The following GXYLT2 variants were observed in gnomAD, a reference collection of about 807,000 sequenced individuals.
GXYLT2 encodes the protein glucoside xylosyltransferase 2.
GXYLT2 carries 53 observed loss-of-function variants against 45.8 expected under a neutral mutation model. That is an observed-to-expected ratio of 1.16 (90% CI 0.93 to 1.46). The LOEUF is 1.46. Ranked by LOEUF, GXYLT2 falls within the 40% of genes most tolerant of loss-of-function variation. The pLI is 0.00. For missense variants in GXYLT2, 551 were observed against 544.4 expected, an observed-to-expected ratio of 1.01 and a Z score of -0.12; for synonymous variants, 219 against 214.2, an observed-to-expected ratio of 1.02 and a Z score of -0.19.
intron 5 of GXYLT2, among the ~76,000 whole-genome samples, chr3:72,964,538 G>C (rs906307530): frequency 6.6e-6 from 1 of 151,748 alleles, no homozygotes; most frequent in Non-Finnish European, 1.5e-5. Flanking sequence ...GGCCAGGCTG[G>C]TCTCGAACTC....
intron 5 of GXYLT2, among the ~76,000 whole-genome samples, chr3:72,964,705 G>A (rs1187235350): frequency 5.3e-5 from 8 of 152,112 alleles, no homozygotes; most frequent in African/African-American, 1.9e-4. Context: ...ATGAAAGCAG[G>A]GACTGGATTT....
chr3:72,945,583 A>C (rs1311604312), intron 3 of GXYLT2, among the ~76,000 whole-genome samples: 2 of 152,184 alleles, frequency 1.3e-5, no homozygotes, highest in Admixed American at 1.3e-4. Flanking sequence ...GAGAAAATGG[A>C]AGGAAGGAAG....
intron 3 of GXYLT2, among the ~76,000 whole-genome samples, chr3:72,947,758 A>G (rs1710438231): frequency 6.6e-6 from 1 of 152,130 alleles, no homozygotes; most frequent in Non-Finnish European, 1.5e-5. Flanking sequence ...CCAAGGTCAC[A>G]CCATTGCACT....
chr3:72,900,798 G>A (rs1312547359), intron 1 of GXYLT2, among the ~76,000 whole-genome samples: 2 of 148,994 alleles, frequency 1.3e-5, no homozygotes, highest in Admixed American at 6.8e-5. Context: ...TAAATGTTAA[G>A]TGCATTAATG....
At chr3:72,900,737 C>G (rs1324994038) in intron 1 of GXYLT2, among the ~76,000 whole-genome samples, 11 of 152,074 alleles carry the variant, frequency 7.2e-5, no homozygotes, top group African/African-American at 2.7e-4. Context: ...TATAATATTG[C>G]TATACTACCA....
At chr3:72,949,056 G>A (rs1003421673) in intron 3 of GXYLT2, among the ~76,000 whole-genome samples, 3 of 152,158 alleles carry the variant, frequency 2.0e-5, no homozygotes, top group East Asian at 3.9e-4. Context: ...GATTGGATGC[G>A]GGCAGTATGG....
chr3:72,897,460 C>A (rs1189023887), intron 1 of GXYLT2, among the ~76,000 whole-genome samples: 3 of 152,152 alleles, frequency 2.0e-5, no homozygotes, highest in Admixed American at 1.3e-4. Flanking sequence ...CTCTGTTGAC[C>A]TCACTTGAAT....
chr3:72,917,776 T>G (rs567665541), intron 2 of GXYLT2, among the ~76,000 whole-genome samples: 1 of 151,516 alleles, frequency 6.6e-6, no homozygotes, highest in Non-Finnish European at 1.5e-5. Flanking sequence ...AAAAAAAAGT[T>G]TATATGGTTA....
At chr3:72,958,060 C>T (rs1447857749) in intron 5 of GXYLT2, among the ~76,000 whole-genome samples, 3 of 152,138 alleles carry the variant, frequency 2.0e-5, no homozygotes, top group South Asian at 2.1e-4. Context: ...CACTTGAGGT[C>T]GAGAGTTTGA....
Position 72,888,440 on chromosome 3 carries a change from G to A in GXYLT2, c.207G>A (p.Arg69=). 8.5e-7 allele frequency: 1 copy of A among 1,177,672 alleles called. No homozygotes were observed. Among genetic ancestry groups the A allele is most frequent in the Non-Finnish European group, 1.1e-6 (1 of 951,270 alleles). The allele number at this position is 1,177,672 out of a possible 1,614,324, so 73.0% of individuals were successfully genotyped here. A position where few individuals can be genotyped will look rare whatever the true frequency, so the allele number is the denominator to read the frequency against. ...CCGGGGCCAGCCCGGGAGTTCGGAG[G>A]CGCCGGCCCCCGCGTCCGCGCCCCC... ...ALPGASPGVR[R]RRPPRPRPRA... is the part of the protein sequence containing the mutation. The change falls in exon 1 of 7, where the codon AGG becomes AGA. Residue 69 remains arginine (R), a synonymous_variant. Transcript: ENST00000389617.
At chr3:72,900,871 C>T (rs984320772) in intron 1 of GXYLT2, among the ~76,000 whole-genome samples, 29 of 152,056 alleles carry the variant, frequency 1.9e-4, no homozygotes, top group African/African-American at 6.8e-4. Context: ...GTATACAATT[C>T]GGCCCAGGTA....
chr3:72,926,005 G>T (rs1464668303), intron 3 of GXYLT2, among the ~76,000 whole-genome samples: 1 of 152,122 alleles, frequency 6.6e-6, no homozygotes, highest in African/African-American at 2.4e-5. Flanking sequence ...GATCTTGAGG[G>T]TAATTTTAAA....
In GXYLT2 at chr3:72,888,208, G is replaced by GGCC. The variant is rs1015286524; in HGVS notation, c.-11_-9dup. 233 of 985,886 alleles carry GGCC rather than the reference G, an allele frequency of 2.4e-4. No homozygotes were observed. The East Asian group carries it at 7.7e-3, about 33-fold the overall frequency. 61.1% of individuals were successfully genotyped at this position (985,886 alleles called of 1,614,324 possible). A position where few individuals can be genotyped will look rare whatever the true frequency, so the allele number is the denominator to read the frequency against. ...GCGCAGAGGGGCCGAGCCGCCTGGG[G>GGCC]GCCGCCGCCGCCGCCGCGCCGCACC... On this transcript the variant is annotated 5_prime_UTR_variant, in exon 1 of 7. Coordinates refer to ENST00000389617, the MANE Select transcript of GXYLT2 (RefSeq NM_001080393.2).
chr3:72,937,665 A>G (rs1710217433), intron 3 of GXYLT2, among the ~76,000 whole-genome samples: 2 of 152,230 alleles, frequency 1.3e-5, no homozygotes, highest in Admixed American at 6.5e-5. Context: ...TTAGAATATT[A>G]GTGACAGCAT....
chr3:72,906,220 T>C (rs1445727554), intron 1 of GXYLT2, among the ~76,000 whole-genome samples: 2 of 152,158 alleles, frequency 1.3e-5, no homozygotes, highest in African/African-American at 4.8e-5. Flanking sequence ...AGACCAGGCC[T>C]GTGAGTCTTG....
intron 3 of GXYLT2, among the ~76,000 whole-genome samples, chr3:72,937,207 T>C (rs113553349): frequency 6.6e-6 from 1 of 152,200 alleles, no homozygotes; most frequent in Non-Finnish European, 1.5e-5. Flanking sequence ...TATCAGCTTT[T>C]TTTTAAAAAA....
At chr3:72,971,154 T>C (rs966138684) in intron 6 of GXYLT2, among the ~76,000 whole-genome samples, 1 of 152,148 alleles carries the variant, frequency 6.6e-6, no homozygotes, top group African/African-American at 2.4e-5. Context: ...CACCCCTGGT[T>C]TGGAGTTGAG....
intron 2 of GXYLT2, among the ~76,000 whole-genome samples, chr3:72,913,697 AAAAT>A (rs949000197): frequency 2.6e-5 from 4 of 152,150 alleles, no homozygotes; most frequent in Admixed American, 6.5e-5. Flanking sequence ...TCTGTCTCAA[AAAAT>A]AAATAAATAA....
rs1042091836 is a variant in GXYLT2 at position 72,912,350 on chromosome 3, A to G, written c.468+3791A>G. Among the ~76,000 whole-genome samples the G allele has an allele frequency of 1.1e-4, 16 of 151,758 alleles. 1 individual carries two copies. Among genetic ancestry groups the G allele is most frequent in the Admixed American group, 7.9e-4 (12 of 15,226 alleles). Reference sequence around the variant, plus strand: ...TTTTTTGTAGAGATGCGGTCTCCCTATGTTGCCCAGGCTGGTTTTGAACTC... The same window carrying G: ...TTTTTTGTAGAGATGCGGTCTCCCTGTGTTGCCCAGGCTGGTTTTGAACTC... On this transcript the variant is annotated intron_variant, in intron 2 of 6. Coordinates refer to ENST00000389617, the MANE Select transcript of GXYLT2 (RefSeq NM_001080393.2).
Sources: gnomAD v4.1 joint callset for allele counts (sites outside exome capture counted in the v4.1 genomes callset) on GRCh38, gnomAD v4.1.1 for gene constraint, MANE v1.5 for transcripts, NCBI Gene and HGNC (gene_info 2026-07-23, HGNC 2026-07-21) for gene names.